HADHA: variants seen among roughly 807,000 people sequenced by gnomAD.
The protein encoded by HADHA is trifunctional enzyme subunit alpha, mitochondrial.
Under a neutral mutation model 91.3 loss-of-function variants are expected in HADHA, and 59 were observed. The observed-to-expected ratio is 0.65, with a 90% CI of 0.52 to 0.80. The LOEUF (loss-of-function observed/expected upper bound fraction) is 0.80, where lower values mean the gene tolerates loss of function less well. Among genes scored for constraint, HADHA ranks in the 30% least tolerant of loss-of-function variants. HADHA has a pLI of 0.00. For missense variants in HADHA, 800 were observed against 927.6 expected (o/e 0.86, Z 1.79); for synonymous variants, 320 against 338.9 (o/e 0.94, Z 0.61).
intron 17 of HADHA, among the ~76,000 whole-genome samples, chr2:26,192,777 A>T (rs1301693360): frequency 6.6e-6 from 1 of 152,176 alleles, no homozygotes; most frequent in Non-Finnish European, 1.5e-5. Context: ...TGACCTGAGA[A>T]TTCTTGTCTC....
intron 7 of HADHA, among the ~76,000 whole-genome samples, chr2:26,228,133 G>T (rs1670526799): frequency 6.8e-6 from 1 of 146,786 alleles, no homozygotes; most frequent in African/African-American, 2.5e-5. Flanking sequence ...TCCACATAAA[G>T]ACTTTTTTTT....
intron 12 of HADHA, 63 bp downstream of exon 12, chr2:26,203,999 A>G (rs1363041596): frequency 8.3e-6 from 13 of 1,564,944 alleles, no homozygotes; most frequent in East Asian, 2.2e-5. Context: ...AGCCACCACA[A>G]AAAACAACTA....
At position 26,209,887 on chromosome 2, in the gene HADHA, T is replaced by G. The variant is rs1670058699; in HGVS notation, c.978A>C (p.Lys326Asn). ...SDAGYLCESQ[K>N]FGELVMTKES... Reference sequence around the variant, plus strand: ...CTTTGGTCATTACAAGCTCTCCAAATTTCTGAAAAGTAAAGGGGAATGAGA... The same window carrying G: ...CTTTGGTCATTACAAGCTCTCCAAAGTTCTGAAAAGTAAAGGGGAATGAGA... The change falls in exon 11 of 20, where the codon AAA becomes AAC. Residue 326 changes from lysine to asparagine, a missense_variant and splice_region_variant. Coordinates refer to ENST00000380649, the MANE Select transcript of HADHA (RefSeq NM_000182.5). 5 of 1,532,406 alleles carry G rather than the reference T, an allele frequency of 3.3e-6. No homozygotes were observed. The highest frequency in any genetic ancestry group is 4.5e-6 in the Non-Finnish European group (5 of 1,105,314). The allele number at this position is 1,532,406 out of a possible 1,614,324, so 94.9% of individuals were successfully genotyped here. A position where few individuals can be genotyped will look rare whatever the true frequency, so the allele number is the denominator to read the frequency against.
At chr2:26,244,484 C>G in intron 1 of HADHA, 46 bp downstream of exon 1, 2 of 1,546,108 alleles carry the variant, frequency 1.3e-6, no homozygotes, top group Non-Finnish European at 1.8e-6. Context: ...CCAGTCCCGG[C>G]AGGAGTTCTG....
intron 1 of HADHA, among the ~76,000 whole-genome samples, chr2:26,242,287 A>G (rs1177859121): frequency 1.3e-5 from 2 of 152,262 alleles, no homozygotes; most frequent in Non-Finnish European, 1.5e-5. Context: ...GGATCTATTG[A>G]GTCTAAATAG....
At chr2:26,193,298 T>TTTTC (rs1375489792) in intron 17 of HADHA, among the ~76,000 whole-genome samples, 1 of 149,094 alleles carries the variant, frequency 6.7e-6, no homozygotes, top group East Asian at 2.0e-4. Context: ...GACATCTTTT[T>TTTTC]TTTTTTTTTT....
At chr2:26,200,280 TTC>T (rs1669795994) in intron 13 of HADHA, among the ~76,000 whole-genome samples, 1 of 152,176 alleles carries the variant, frequency 6.6e-6, no homozygotes, top group Non-Finnish European at 1.5e-5. Flanking sequence ...GTAACCCACA[TTC>T]TGTTTATCCA....
chr2:26,243,544 T>C (rs1184539231), intron 1 of HADHA, among the ~76,000 whole-genome samples: 1 of 151,924 alleles, frequency 6.6e-6, no homozygotes, highest in African/African-American at 2.4e-5. Flanking sequence ...AAATATTCAA[T>C]CATTAAAAAA....
At chr2:26,203,382 C>A (rs1037667341) in intron 12 of HADHA, among the ~76,000 whole-genome samples, 1 of 152,190 alleles carries the variant, frequency 6.6e-6, no homozygotes, top group African/African-American at 2.4e-5. Flanking sequence ...CTCCATTTGG[C>A]CAAGCTGCTG....
At chr2:26,204,428 T>C (rs1669925308) in intron 11 of HADHA, among the ~76,000 whole-genome samples, 1 of 152,224 alleles carries the variant, frequency 6.6e-6, no homozygotes, top group African/African-American at 2.4e-5. Context: ...GACAGAATTA[T>C]ACTAATCTTC....
chr2:26,191,163 T>C lies in HADHA; in HGVS notation c.*87A>G, dbSNP rs1669484379. ...GCCGGAGTTTGTCTTCTCGTTACTC[T>C]GATAAATCTAGACACCACTCTGTTG... On this transcript the variant is annotated 3_prime_UTR_variant, in exon 20 of 20. Transcript: ENST00000380649. 12 of 1,375,036 alleles carry C rather than the reference T, an allele frequency of 8.7e-6. No individual in the cohort carries two copies. Among genetic ancestry groups the C allele is most frequent in the Admixed American group, 3.4e-5 (2 of 58,944 alleles). 85.2% of individuals were successfully genotyped at this position (1,375,036 alleles called of 1,614,324 possible).
intron 7 of HADHA, among the ~76,000 whole-genome samples, chr2:26,219,676 C>G (rs1670327797): frequency 6.6e-6 from 1 of 152,048 alleles, no homozygotes; most frequent in African/African-American, 2.4e-5. Flanking sequence ...GTGGCAGGGC[C>G]CAAGTAGCAG....
intron 13 of HADHA, among the ~76,000 whole-genome samples, 172 bp from the exon 14 acceptor site, chr2:26,197,949 C>T (rs1000056377): frequency 2.0e-5 from 3 of 152,132 alleles, no homozygotes; most frequent in African/African-American, 4.8e-5. Flanking sequence ...GGTTTTGTGT[C>T]GGGGAATATG....
intron 11 of HADHA, among the ~76,000 whole-genome samples, chr2:26,208,243 C>A (rs577855994): frequency 6.6e-6 from 1 of 152,146 alleles, no homozygotes; most frequent in South Asian, 2.1e-4. Flanking sequence ...TTTTGGGGGA[C>A]AGAATTTTCA....
intron 7 of HADHA, among the ~76,000 whole-genome samples, chr2:26,219,987 C>T (rs1271079142): frequency 6.6e-6 from 1 of 152,190 alleles, no homozygotes. Context: ...GAAGCTGTGT[C>T]CTCTTGAGGA....
rs751447511 is a variant in HADHA, at chr2:26,201,116, A to G, written c.1392+33T>C. On this transcript the variant is annotated intron_variant, in intron 13 of 19. Coordinates refer to ENST00000380649, the MANE Select transcript of HADHA (RefSeq NM_000182.5). ...AATCTCTGTGTTTTCTGTTCACTAC[A>G]CTAGGATTCAAGTACAACAGCCCCT... The G allele has an allele frequency of 1.5e-5, 23 of 1,525,500 alleles. No individual in the cohort carries two copies. In the Middle Eastern group the frequency reaches 5.1e-4, roughly 34 times the overall value. The allele number at this position is 1,525,500 out of a possible 1,614,324, so 94.5% of individuals were successfully genotyped here.
In HADHA at chr2:26,204,142, G is replaced by A. The variant is rs199727889; in HGVS notation, c.1140C>T (p.Ser380=). Residue 380 remains serine (S), a synonymous_variant, in exon 12 of 20, where the codon TCC becomes TCT. Transcript: ENST00000380649. ...GLMGAGIAQV[S]VDKGLKTILK... is the part of the protein sequence containing the mutation. ...GTATAGTCTTTAGCCCCTTATCCAC[G>A]GAGACTTGGGCGATGCCTGCTCCCA... 37 of 1,613,352 alleles carry A rather than the reference G, an allele frequency of 2.3e-5. No homozygotes were observed. Among genetic ancestry groups the A allele is most frequent in the Middle Eastern group, 1.6e-4 (1 of 6,084 alleles).
chr2:26,243,198 C>T (rs891821585), intron 1 of HADHA: 1 of 152,222 alleles, frequency 6.6e-6, no homozygotes, highest in African/African-American at 2.4e-5. Flanking sequence ...ACTAGAACCA[C>T]GTGCCCTGGC....
In HADHA at chr2:26,214,686, T is replaced by C. The variant is rs1670176639; in HGVS notation, c.800-125A>G. ...CTGCAAGAACTGCTCTTTATTCTGA[T>C]ACACACAATATAAATTTCAACCTAA... On this transcript the variant is annotated intron_variant, in intron 8 of 19. Transcript: ENST00000380649. This position sits in a 1 kb window ranked among gnomAD's most constrained non-coding sequence, Gnocchi z 4.1. 1.4e-6 allele frequency: 1 copy of C among 691,336 alleles called. No individual in the cohort carries two copies. The highest frequency in any genetic ancestry group is 2.6e-6 in the Non-Finnish European group (1 of 384,010). The allele number at this position is 691,336 out of a possible 1,614,324, so 42.8% of individuals were successfully genotyped here.
Sources: allele counts gnomAD v4.1 joint callset (sites outside exome capture counted in the v4.1 genomes callset), GRCh38; gene constraint gnomAD v4.1.1; non-coding constraint Gnocchi (gnomAD v3.1); transcripts MANE v1.5; gene names NCBI Gene and HGNC (gene_info 2026-07-23, HGNC 2026-07-21).